ZCCHC7: variants seen among roughly 807,000 people sequenced by gnomAD.
ZCCHC7 encodes the protein zinc finger CCHC domain-containing protein 7.
In ZCCHC7, 35 loss-of-function variants were observed where a neutral mutation model predicts 52.0. The observed-to-expected ratio is 0.67, with a 90% CI of 0.51 to 0.89. The LOEUF (loss-of-function observed/expected upper bound fraction) is 0.89, where lower values mean the gene tolerates loss of function less well. Among genes scored for constraint, ZCCHC7 ranks in the 40% least tolerant of loss-of-function variants. The probability of loss-of-function intolerance (pLI) is 0.00; values close to 1 mark genes in which losing one functional copy is unlikely to be tolerated. For missense variants in ZCCHC7, 574 were observed against 649.1 expected, an observed-to-expected ratio of 0.88 and a Z score of 1.26; for synonymous variants, 217 against 221.5, an observed-to-expected ratio of 0.98 and a Z score of 0.18.
At chr9:37,204,538 T>G (rs1834634198) in intron 2 of ZCCHC7, among the ~76,000 whole-genome samples, 1 of 152,238 alleles carries the variant, frequency 6.6e-6, no homozygotes, top group Non-Finnish European at 1.5e-5. Flanking sequence ...TAGACAGTTT[T>G]CCCAGCACCA....
chr9:37,266,726 T>C lies in ZCCHC7; in HGVS notation c.611-35462T>C, dbSNP rs992049086. Among the ~76,000 whole-genome samples the C allele has an allele frequency of 2.0e-5, 3 of 151,988 alleles. No homozygotes were observed. The East Asian group carries it at 5.8e-4, about 29-fold the overall frequency. ...CCATCTCTACAAAAAACAGAAAAAT[T>C]AACCAGGTATAGTGGTACACACCTG... is the stretch of plus-strand genomic sequence containing the variant. On this transcript the variant is annotated intron_variant, in intron 2 of 8. Coordinates refer to ENST00000336755, the MANE Select transcript of ZCCHC7 (RefSeq NM_032226.3).
chr9:37,344,283 A>G lies in ZCCHC7; in HGVS notation c.988-5074A>G, dbSNP rs140627354. ...GTGGATGATCCTTTTTATCATCACA[A>G]TCCCTGCTGACAGCTACCAACTAGT... is the stretch of plus-strand genomic sequence containing the variant. On this transcript the variant is annotated intron_variant, in intron 6 of 8. Transcript: ENST00000336755. 3.2e-4 allele frequency among the ~76,000 whole-genome samples: 49 copies of G among 152,340 alleles called. No individual in the cohort carries two copies. In the East Asian group the frequency reaches 6.5e-3, roughly 20 times the overall value.
intron 2 of ZCCHC7, among the ~76,000 whole-genome samples, chr9:37,278,453 A>T (rs769500984): frequency 6.6e-6 from 1 of 152,150 alleles, no homozygotes; most frequent in Non-Finnish European, 1.5e-5. Context: ...AATCTGAAAA[A>T]CAGAAAGAAA....
At chr9:37,219,378 A>C (rs1465833706) in intron 2 of ZCCHC7, among the ~76,000 whole-genome samples, 1 of 152,192 alleles carries the variant, frequency 6.6e-6, no homozygotes, top group Non-Finnish European at 1.5e-5. Context: ...AAGTTTGCTA[A>C]CTCCTGCACT....
At chr9:37,256,399 T>C (rs1269263877) in intron 2 of ZCCHC7, among the ~76,000 whole-genome samples, 2 of 152,162 alleles carry the variant, frequency 1.3e-5, no homozygotes, top group Non-Finnish European at 2.9e-5. Context: ...ATTTACCTTT[T>C]TCAATGTGTT....
intron 2 of ZCCHC7, among the ~76,000 whole-genome samples, chr9:37,269,643 A>C (rs1201639562): frequency 6.7e-6 from 1 of 148,828 alleles, no homozygotes; most frequent in Non-Finnish European, 1.5e-5. Flanking sequence ...AAAAAAAAAA[A>C]AAACAAAAGA....
chr9:37,133,712 C>T (rs1238591678), intron 2 of ZCCHC7, among the ~76,000 whole-genome samples: 1 of 152,172 alleles, frequency 6.6e-6, no homozygotes, highest in Non-Finnish European at 1.5e-5. Flanking sequence ...CCTCAGCCTT[C>T]CGAGTAGCTG....
rs572604350 is a variant in ZCCHC7 at position 37,206,332 on chromosome 9, C to G, written c.610+79390C>G. ...CCTCTCCCTCCTCCTCCCCACTTCT[C>G]TCTCATTCCTCTTCCCTCCCGCCTT... is the stretch of plus-strand genomic sequence containing the variant. On this transcript the variant is annotated intron_variant, in intron 2 of 8. Transcript: ENST00000336755. 1.0e-4 allele frequency among the ~76,000 whole-genome samples: 15 copies of G among 146,910 alleles called. No individual in the cohort carries two copies. The East Asian group carries it at 2.8e-3, about 27-fold the overall frequency.
At chr9:37,267,277 A>T (rs1827150424) in intron 2 of ZCCHC7, among the ~76,000 whole-genome samples, 1 of 152,230 alleles carries the variant, frequency 6.6e-6, no homozygotes, top group Non-Finnish European at 1.5e-5. Context: ...CAGTATACTC[A>T]GCCCTAGAAC....
At chr9:37,130,366 T>A (rs10973225) in intron 2 of ZCCHC7, among the ~76,000 whole-genome samples, 1 of 122,216 alleles carries the variant, frequency 8.2e-6, no homozygotes, top group South Asian at 2.8e-4. Context: ...TTTTTTTTTA[T>A]AGCAGTGGGG....
chr9:37,348,164 C>T (rs138887514), intron 6 of ZCCHC7, among the ~76,000 whole-genome samples: 253 of 152,258 alleles, frequency 1.7e-3, no homozygotes, highest in Non-Finnish European at 2.7e-3. Flanking sequence ...TCCTGGAGAT[C>T]CTTACCTAGA....
At chr9:37,296,606 C>G (rs1013100646) in intron 2 of ZCCHC7, among the ~76,000 whole-genome samples, 1 of 150,546 alleles carries the variant, frequency 6.6e-6, no homozygotes, top group African/African-American at 2.4e-5. Context: ...TTCCGAATCT[C>G]TAACCATGAG....
chr9:37,139,289 T>C (rs1486128171), intron 2 of ZCCHC7, among the ~76,000 whole-genome samples: 1 of 152,012 alleles, frequency 6.6e-6, no homozygotes, highest in Admixed American at 6.6e-5. Flanking sequence ...TATTTGTTGA[T>C]TGTGCAAATA....
chr9:37,189,491 AT>A (rs1356027426), intron 2 of ZCCHC7, among the ~76,000 whole-genome samples: 1 of 152,092 alleles, frequency 6.6e-6, no homozygotes, highest in African/African-American at 2.4e-5. Flanking sequence ...GGCTCAAGCG[AT>A]TCTCCTGCGT....
chr9:37,198,659 G>T (rs2133144050), intron 2 of ZCCHC7, among the ~76,000 whole-genome samples: 1 of 152,330 alleles, frequency 6.6e-6, no homozygotes, highest in African/African-American at 2.4e-5. Context: ...TGTTGTCTTT[G>T]CCTCCTCTGT....
chr9:37,226,285 G>T (rs1457853019), intron 2 of ZCCHC7, among the ~76,000 whole-genome samples: 3 of 152,060 alleles, frequency 2.0e-5, no homozygotes, highest in Admixed American at 2.0e-4. Flanking sequence ...CAGAGAAAAA[G>T]AATCTAAATA....
intron 2 of ZCCHC7, among the ~76,000 whole-genome samples, chr9:37,173,402 A>G (rs1821847736): frequency 6.6e-6 from 1 of 152,236 alleles, no homozygotes; most frequent in Admixed American, 6.5e-5. Context: ...TATGCATACT[A>G]TAAAACTGTT....
At position 37,213,356 on chromosome 9, in the gene ZCCHC7, T is replaced by A. The variant is rs149514991; in HGVS notation, c.610+86414T>A. On this transcript the variant is annotated intron_variant, in intron 2 of 8. Transcript: ENST00000336755. ...TGACAATATAACAGAAAACCTGTAG[T>A]TCCACAGGATGAATAAAGACAGACT... Among the ~76,000 whole-genome samples the A allele has an allele frequency of 2.0e-5, 3 of 152,314 alleles. No individual in the cohort carries two copies. The East Asian group carries it at 5.8e-4, about 29-fold the overall frequency.
intron 2 of ZCCHC7, among the ~76,000 whole-genome samples, chr9:37,274,688 TGTA>T (rs10565705): frequency 0.051 from 7,700 of 152,218 alleles, 636 homozygotes; most frequent in African/African-American, 0.17. Context: ...TTAATGTTAA[TGTA>T]GTTATTTACT....
Sources: allele counts gnomAD v4.1 joint callset (sites outside exome capture counted in the v4.1 genomes callset), GRCh38; gene constraint gnomAD v4.1.1; transcripts MANE v1.5; gene names NCBI Gene and HGNC (gene_info 2026-07-23, HGNC 2026-07-21).